CFAP43: variants seen among roughly 807,000 people sequenced by gnomAD.
CFAP43 encodes cilia and flagella associated protein 43.
In CFAP43, 155 loss-of-function variants were observed where a neutral mutation model predicts 218.9. The observed-to-expected ratio is 0.71, with a 90% confidence interval of 0.62 to 0.81. The LOEUF (loss-of-function observed/expected upper bound fraction) is 0.81. CFAP43 is among the 30% of genes least tolerant of loss of function. CFAP43 has a pLI of 0.00. For missense variants in CFAP43, 1,778 were observed against 1,954.3 expected (o/e 0.91, Z 1.70); for synonymous variants, 645 against 681.3 (o/e 0.95, Z 0.83).
At chr10:104,219,650 G>C (rs998935499) in intron 3 of CFAP43, among the ~76,000 whole-genome samples, 1 of 152,070 alleles carries the variant, frequency 6.6e-6, no homozygotes, top group Admixed American at 6.5e-5. Context: ...GCATTCATCA[G>C]CAACACCCTC....
rs776193577 is a variant in CFAP43, at chr10:104,227,835, C to CTTTTTTTTTTTTTTTTTTTTT, written c.320-2299_320-2279dup. Among the ~76,000 whole-genome samples, 2 of 58,356 alleles carry CTTTTTTTTTTTTTTTTTTTTT rather than the reference C, an allele frequency of 3.4e-5. 1 individual carries two copies. The highest frequency in any genetic ancestry group is 6.1e-5 in the Non-Finnish European group (2 of 32,786). The allele number at this position is 58,356 out of a possible 152,430, so 38.3% of individuals were successfully genotyped here. A position where few individuals can be genotyped will look rare whatever the true frequency, so the allele number is the denominator to read the frequency against. On this transcript the variant is annotated intron_variant, in intron 2 of 37. Transcript: ENST00000357060. ...CTCCTCTATTCTACCATGTTTTCTA[C>CTTTTTTTTTTTTTTTTTTTTT]TTTTTTTTTTTTTTTTTTTTTTTTT...
At chr10:104,220,819 T>C (rs1038813197) in intron 3 of CFAP43, among the ~76,000 whole-genome samples, 2 of 152,204 alleles carry the variant, frequency 1.3e-5, no homozygotes, top group Admixed American at 6.5e-5. Flanking sequence ...AATGCTATGA[T>C]TGTATGCCCT....
chr10:104,186,143 A>G lies in CFAP43; in HGVS notation c.1861-20T>C. On this transcript the variant is annotated intron_variant, in intron 14 of 37. Transcript: ENST00000357060. ...ATGTTCCTGCCAATCAAAGAAAATAACCACATTATAGAAAAGATCAGGTAA... is the reference window on the plus strand; with the variant it reads ...ATGTTCCTGCCAATCAAAGAAAATAGCCACATTATAGAAAAGATCAGGTAA... 1 of 1,468,132 alleles carries G rather than the reference A, an allele frequency of 6.8e-7. No homozygotes were observed. The allele number at this position is 1,468,132 out of a possible 1,614,324, so 90.9% of individuals were successfully genotyped here.
intron 36 of CFAP43, among the ~76,000 whole-genome samples, chr10:104,131,800 T>C (rs1050175530): frequency 6.6e-6 from 1 of 152,202 alleles, no homozygotes; most frequent in Non-Finnish European, 1.5e-5. Context: ...GATGATTAAA[T>C]AAAACCTTTC....
intron 16 of CFAP43, among the ~76,000 whole-genome samples, chr10:104,183,765 T>A (rs2089939054): frequency 6.6e-6 from 1 of 152,200 alleles, no homozygotes; most frequent in Non-Finnish European, 1.5e-5. Flanking sequence ...ATGTCCTTCT[T>A]TTTGAGCTGC....
intron 18 of CFAP43, 71 bp from the exon 19 acceptor site, chr10:104,179,177 G>C: frequency 1.6e-6 from 2 of 1,289,336 alleles, no homozygotes; most frequent in Non-Finnish European, 2.2e-6. Flanking sequence ...GAGAGAGAGA[G>C]AGAGCAATTC....
At chr10:104,188,690 T>C (rs2090112241) in intron 12 of CFAP43, among the ~76,000 whole-genome samples, 1 of 152,008 alleles carries the variant, frequency 6.6e-6, no homozygotes, top group Non-Finnish European at 1.5e-5. Context: ...GAGTGCACCA[T>C]CTCCACCCCC....
intron 32 of CFAP43, among the ~76,000 whole-genome samples, chr10:104,142,920 T>C (rs746939777): frequency 9.2e-5 from 14 of 152,188 alleles, no homozygotes; most frequent in Non-Finnish European, 1.5e-4. Context: ...AAGAAAAATA[T>C]AACGTGAGCC....
intron 22 of CFAP43, 116 bp downstream of exon 22, chr10:104,167,505 A>G: frequency 1.5e-6 from 1 of 665,352 alleles, no homozygotes; most frequent in Non-Finnish European, 2.3e-6. Context: ...AAGAAATAAA[A>G]ATATAAATAC....
chr10:104,192,120 A>G (rs2090244312), intron 12 of CFAP43, 79 bp downstream of exon 12: 1 of 1,064,792 alleles, frequency 9.4e-7, no homozygotes, highest in Non-Finnish European at 1.4e-6. Flanking sequence ...TCAATATTCA[A>G]TATGAAAAGT....
chr10:104,184,278 G>C (rs2089957868), intron 16 of CFAP43, among the ~76,000 whole-genome samples: 2 of 151,938 alleles, frequency 1.3e-5, no homozygotes, highest in South Asian at 4.2e-4. Flanking sequence ...CCTTGTTTGG[G>C]GACTGAAACT....
At position 104,161,087 on chromosome 10, in the gene CFAP43, A is replaced by C; in HGVS notation, c.3490T>G (p.Tyr1164Asp). ...TEEERKQFKD[Y>D]EKKVKELNEE... is the part of the protein sequence containing the mutation. ...TTTAACTCCTTTACTTTTTTCTCAT[A>C]ATCTTTGAATTGTTTTCTTTCTTCT... The change falls in exon 27 of 38, where the codon TAT (tyrosine) becomes GAT (aspartate). Residue 1164 changes from tyrosine to aspartate, a missense_variant. Physicochemically the swap from Tyr to Asp is radical, Grantham distance 160. Around this residue, in one of 3 missense-constraint regions of CFAP43, gnomAD observed 1,553 missense variants for 1,685.2 expected, o/e 0.92. Coordinates refer to ENST00000357060, the MANE Select transcript of CFAP43 (RefSeq NM_025145.7). 6.2e-7 allele frequency: 1 copy of C among 1,613,146 alleles called. No individual in the cohort carries two copies. The highest frequency in any genetic ancestry group is 8.5e-7 in the Non-Finnish European group (1 of 1,179,376).
Position 104,207,834 on chromosome 10 carries a change from G to C in CFAP43, c.736-10C>G. 1 of 1,608,592 alleles carries C rather than the reference G, an allele frequency of 6.2e-7. No individual in the cohort carries two copies. Among genetic ancestry groups the C allele is most frequent in the Non-Finnish European group, 8.5e-7 (1 of 1,178,106 alleles). ...ATAGATCATCTTTCGGCTTCAGGGA[G>C]AGAATAAAACCTTGTGTTAAGAAAA... On this transcript the variant is annotated splice_polypyrimidine_tract_variant and intron_variant, in intron 5 of 37. Transcript: ENST00000357060.
At chr10:104,169,047 G>C (rs1425181567) in intron 20 of CFAP43, among the ~76,000 whole-genome samples, 199 bp from the exon 21 acceptor site, 1 of 151,862 alleles carries the variant, frequency 6.6e-6, no homozygotes, top group Non-Finnish European at 1.5e-5. Flanking sequence ...GTCTCCTGAA[G>C]TTTGTCTGTA....
chr10:104,133,692 C>T lies in CFAP43; in HGVS notation c.4524G>A (p.Glu1508=), dbSNP rs773389404. 6.2e-7 allele frequency: 1 copy of T among 1,613,660 alleles called. No individual in the cohort carries two copies. The highest frequency in any genetic ancestry group is 8.5e-7 in the Non-Finnish European group (1 of 1,179,790). Residue 1508 remains glutamate (E), a synonymous_variant, in exon 35 of 38, where the codon GAG becomes GAA. Transcript: ENST00000357060. The part of the protein sequence containing the change: ...LQIEWEHKKM[E]MEREDLNQKA... ...TCTGATTTAGATCTTCCCTTTCCAT[C>T]TCCATTTTCTTATGTTCCCACTCAA... is the stretch of plus-strand genomic sequence containing the variant.
At chr10:104,134,592 A>G (rs1050755131) in intron 34 of CFAP43, among the ~76,000 whole-genome samples, 4 of 152,166 alleles carry the variant, frequency 2.6e-5, no homozygotes, top group African/African-American at 9.7e-5. Flanking sequence ...TTATAAGAGA[A>G]TACTATGAAA....
intron 19 of CFAP43, 68 bp downstream of exon 19, chr10:104,178,961 A>T: frequency 7.9e-7 from 1 of 1,270,850 alleles, no homozygotes; most frequent in Non-Finnish European, 1.1e-6. Flanking sequence ...GGTAGAACAA[A>T]ATTAAGTTCA....
At chr10:104,167,598 C>A in intron 22 of CFAP43, 23 bp downstream of exon 22, 1 of 1,553,136 alleles carries the variant, frequency 6.4e-7, no homozygotes. Flanking sequence ...CTTATATAAA[C>A]ACATGTATAT....
At chr10:104,189,544 C>G (rs564201417) in intron 12 of CFAP43, among the ~76,000 whole-genome samples, 2 of 152,190 alleles carry the variant, frequency 1.3e-5, no homozygotes, top group Non-Finnish European at 2.9e-5. Context: ...TGCCTTCCTT[C>G]TTTAGGCTGT....
Sources: gnomAD v4.1 joint callset for allele counts (sites outside exome capture counted in the v4.1 genomes callset) on GRCh38, gnomAD v4.1.1 for gene constraint, gnomAD v4.1.1 regional missense constraint, MANE v1.5 for transcripts, NCBI Gene and HGNC (gene_info 2026-07-23, HGNC 2026-07-21) for gene names.